Variants in ARSG observed in about 807,000 individuals in gnomAD.
The protein encoded by ARSG is arylsulfatase G, also known as ASG.
ARSG carries 37 observed loss-of-function variants against 50.5 expected under a neutral mutation model. The observed-to-expected ratio is 0.73, with a 90% CI of 0.56 to 0.96. The LOEUF (loss-of-function observed/expected upper bound fraction) is 0.96. Ranked by LOEUF, ARSG falls within the 50% of genes least tolerant of loss-of-function variation. The pLI is 0.00. For missense variants in ARSG, 629 were observed against 675.3 expected (o/e 0.93, Z 0.76); for synonymous variants, 225 against 254.6 (o/e 0.88, Z 1.11).
chr17:68,312,235 A>T (rs964630132), intron 2 of ARSG, among the ~76,000 whole-genome samples: 3 of 152,190 alleles, frequency 2.0e-5, no homozygotes, highest in Non-Finnish European at 4.4e-5. Flanking sequence ...TATTCCTAGC[A>T]TGTAACACAG....
intron 2 of ARSG, among the ~76,000 whole-genome samples, chr17:68,338,286 A>G (rs1163123219): frequency 6.6e-6 from 1 of 152,124 alleles, no homozygotes; most frequent in South Asian, 2.1e-4. Context: ...GTCTCTTCTC[A>G]TGCCCAAACC....
chr17:68,330,001 G>A (rs1443815535), intron 2 of ARSG, among the ~76,000 whole-genome samples: 2 of 152,126 alleles, frequency 1.3e-5, no homozygotes, highest in Non-Finnish European at 2.9e-5. Context: ...CCTGAGGTTG[G>A]GGGTTCGAGA....
At chr17:68,387,155 G>A (rs1178913964) in intron 9 of ARSG, among the ~76,000 whole-genome samples, 4 of 151,308 alleles carry the variant, frequency 2.6e-5, no homozygotes, top group South Asian at 4.2e-4. Context: ...AAGAGACAGG[G>A]CATCACTCTG....
At chr17:68,400,170 C>CCAGCCCTATATACGGTTGTGA (rs1343146475) in intron 10 of ARSG, 3 of 152,206 alleles carry the variant, frequency 2.0e-5, no homozygotes, top group South Asian at 4.1e-4. Context: ...AAGTGCCTTT[C>CCAGCCCTATATACGGTTGTGA]CAGCCCTATA....
intron 2 of ARSG, among the ~76,000 whole-genome samples, chr17:68,312,877 C>T (rs2076920780): frequency 6.6e-6 from 1 of 152,174 alleles, no homozygotes; most frequent in Non-Finnish European, 1.5e-5. Context: ...GCTCAAGCCA[C>T]CACGCCCGGT....
intron 8 of ARSG, among the ~76,000 whole-genome samples, chr17:68,373,315 C>T (rs180916428): frequency 4.0e-5 from 6 of 151,822 alleles, no homozygotes; most frequent in East Asian, 1.9e-4. Context: ...CTGCAACCTC[C>T]GCCTCCTGGG....
upstream of ARSG, among the ~76,000 whole-genome samples, chr17:68,288,888 T>C (rs782474726): frequency 3.9e-5 from 6 of 151,952 alleles, no homozygotes; most frequent in Admixed American, 3.3e-4. Flanking sequence ...GTCAGGGGAG[T>C]CTCTCAAGCC....
At chr17:68,435,783 T>C in the ARSG span, 2 of 1,352,176 alleles carry the variant, frequency 1.5e-6, no homozygotes, top group Non-Finnish European at 2.1e-6. Flanking sequence ...TCCCTCCCCT[T>C]CCTCTTTTCT....
chr17:68,395,103 C>T lies in ARSG; in HGVS notation c.1122C>T (p.Ala374=), dbSNP rs201031767. 35 of 1,613,904 alleles carry T rather than the reference C, an allele frequency of 2.2e-5. No homozygotes were observed. The highest frequency in any genetic ancestry group is 2.7e-5 in the African/African-American group (2 of 74,914). The stretch of plus-strand genomic sequence containing the variant: ...TGGACATTTTTCCAACTGTGGTAGC[C>T]CTGGCCCAGGCCAGCTTACCTCAAG... ...SVLDIFPTVV[A]LAQASLPQGR... The change falls in exon 10 of 12, where the codon GCC becomes GCT. Residue 374 remains alanine (A), a synonymous_variant. Coordinates refer to ENST00000621439, the MANE Select transcript of ARSG (RefSeq NM_001267727.2).
intron 5 of ARSG, among the ~76,000 whole-genome samples, chr17:68,352,092 A>AGAGAGAGAGAGAGAGAGAGACAGAG (rs1568506452): frequency 1.2e-4 from 13 of 104,628 alleles, no homozygotes; most frequent in African/African-American, 4.9e-4. Flanking sequence ...GACAGAGGAG[A>AGAGAGAGAGAGAGAGAGAGACAGAG]GAGAGAGAGA....
upstream of ARSG, among the ~76,000 whole-genome samples, chr17:68,288,639 C>T (rs1451354966): frequency 6.6e-6 from 1 of 152,198 alleles, no homozygotes; most frequent in Non-Finnish European, 1.5e-5. Flanking sequence ...GGGAGTTGAA[C>T]TAGACTCTGA....
chr17:68,281,921 A>G (rs2075707977), intron 1 of ARSG, among the ~76,000 whole-genome samples: 1 of 152,232 alleles, frequency 6.6e-6, no homozygotes, highest in South Asian at 2.1e-4. Context: ...AACTAGTTCA[A>G]CCATGGTGGA....
At chr17:68,441,770 C>T in the ARSG span, among the ~76,000 whole-genome samples, 2 of 152,206 alleles carry the variant, frequency 1.3e-5, no homozygotes, top group African/African-American at 2.4e-5. Context: ...AAATGATCAT[C>T]TCCATTTTAC....
At chr17:68,373,822 G>C (rs2079993223) in intron 8 of ARSG, among the ~76,000 whole-genome samples, 1 of 152,058 alleles carries the variant, frequency 6.6e-6, no homozygotes, top group Non-Finnish European at 1.5e-5. Context: ...TGGGTCAAAA[G>C]AAGATGCTAA....
intron 5 of ARSG, among the ~76,000 whole-genome samples, chr17:68,352,104 A>G (rs113827951): frequency 7.6e-6 from 1 of 130,850 alleles, no homozygotes; most frequent in South Asian, 2.7e-4. Flanking sequence ...AGAGAGAGAG[A>G]GAGAGAGAGA....
chr17:68,290,003 T>C (rs1419693732), upstream of ARSG, among the ~76,000 whole-genome samples: 1 of 152,194 alleles, frequency 6.6e-6, no homozygotes, highest in Non-Finnish European at 1.5e-5. Flanking sequence ...GCTTGGGACA[T>C]GGGGAGATGC....
chr17:68,293,301 G>A (rs971594434), intron 1 of ARSG, among the ~76,000 whole-genome samples: 6 of 152,216 alleles, frequency 3.9e-5, no homozygotes, highest in African/African-American at 1.4e-4. Flanking sequence ...TATGTCTTAG[G>A]AACCTAAAGG....
intron 1 of ARSG, among the ~76,000 whole-genome samples, chr17:68,278,591 C>T (rs2075597865): frequency 6.6e-6 from 1 of 151,300 alleles, no homozygotes; most frequent in African/African-American, 2.4e-5. Context: ...TGTGCCACCA[C>T]AGCCAGCTAA....
intron 11 of ARSG, among the ~76,000 whole-genome samples, chr17:68,411,148 T>C (rs1374544546): frequency 6.6e-6 from 1 of 152,242 alleles, no homozygotes; most frequent in African/African-American, 2.4e-5. Context: ...ATTTTAGTTA[T>C]TTCTTGCCTT....
Sources: allele counts gnomAD v4.1 joint callset (sites outside exome capture counted in the v4.1 genomes callset), GRCh38; gene constraint gnomAD v4.1.1; transcripts MANE v1.5; gene names NCBI Gene and HGNC (gene_info 2026-07-23, HGNC 2026-07-21).